CMSS1: variants seen among roughly 807,000 people sequenced by gnomAD.
CMSS1 encodes the protein cms1 ribosomal small subunit homolog, also known as protein CMSS1.
CMSS1 carries 33 observed loss-of-function variants against 43.5 expected under a neutral mutation model. The ratio of observed to expected loss-of-function variants is 0.76; its 90% CI spans 0.57 to 1.01. The LOEUF (loss-of-function observed/expected upper bound fraction) is 1.01. CMSS1 is among the 50% of genes least tolerant of loss of function. The pLI is 0.00. For synonymous variants in CMSS1, 115 were observed against 117.2 expected (o/e 0.98, Z 0.12); for missense variants, 313 against 326.4 (o/e 0.96, Z 0.32).
intron 1 of CMSS1, among the ~76,000 whole-genome samples, chr3:100,145,492 C>T (rs903168225): frequency 2.0e-4 from 31 of 151,718 alleles, no homozygotes; most frequent in Middle Eastern, 3.4e-3. Context: ...TCCAGAGAAA[C>T]AGAACCAACA....
chr3:100,077,562 G>C (rs1440508258), intron 1 of CMSS1, among the ~76,000 whole-genome samples: 2 of 152,176 alleles, frequency 1.3e-5, no homozygotes, highest in Non-Finnish European at 2.9e-5. Context: ...GGAATTGCAA[G>C]ATAGCCTTCA....
chr3:99,834,396 G>T (rs1217529926), intron 1 of CMSS1, among the ~76,000 whole-genome samples: 1 of 152,124 alleles, frequency 6.6e-6, no homozygotes, highest in Non-Finnish European at 1.5e-5. Flanking sequence ...ATGGTTTGTG[G>T]TTGTACCTAG....
chr3:100,033,716 A>T (rs182599390), intron 1 of CMSS1, among the ~76,000 whole-genome samples: 140 of 151,658 alleles, frequency 9.2e-4, no homozygotes, highest in African/African-American at 2.6e-3. Flanking sequence ...AATTGATTTT[A>T]AAAAAAAACC....
intron 1 of CMSS1, among the ~76,000 whole-genome samples, chr3:100,050,881 G>A (rs576279865): frequency 9.3e-4 from 142 of 152,248 alleles, no homozygotes; most frequent in African/African-American, 3.2e-3. Context: ...ATAACTCTGT[G>A]AGACACATTC....
At chr3:100,010,721 TCTC>T (rs35557084) in intron 1 of CMSS1, among the ~76,000 whole-genome samples, 23,696 of 150,202 alleles carry the variant, frequency 0.16, 2,236 homozygotes, top group South Asian at 0.21. Context: ...TTCAAGCAGT[TCTC>T]CTGCCTCAGC....
intron 1 of CMSS1, among the ~76,000 whole-genome samples, chr3:100,096,544 G>A (rs530426078): frequency 6.6e-6 from 1 of 152,242 alleles, no homozygotes; most frequent in East Asian, 1.9e-4. Context: ...TGACTTATTT[G>A]TAGGATGTAG....
At chr3:99,902,754 A>G (rs767173042) in intron 1 of CMSS1, among the ~76,000 whole-genome samples, 7 of 152,186 alleles carry the variant, frequency 4.6e-5, no homozygotes, top group Non-Finnish European at 1.0e-4. Context: ...GCTTTCTACT[A>G]TTCTAGTTGC....
chr3:99,962,444 G>T (rs1708521280), intron 1 of CMSS1, among the ~76,000 whole-genome samples: 1 of 152,150 alleles, frequency 6.6e-6, no homozygotes, highest in Non-Finnish European at 1.5e-5. Context: ...ATTATCTTTT[G>T]TTGTTAGAGA....
At chr3:100,120,650 A>T (rs1318496732) in intron 1 of CMSS1, among the ~76,000 whole-genome samples, 1 of 151,708 alleles carries the variant, frequency 6.6e-6, no homozygotes, top group African/African-American at 2.4e-5. Context: ...TCAGGAACTC[A>T]TAGTCTAATA....
chr3:99,977,697 T>C (rs80132212), intron 1 of CMSS1, among the ~76,000 whole-genome samples: 1 of 152,188 alleles, frequency 6.6e-6, no homozygotes, highest in African/African-American at 2.4e-5. Context: ...TTCTAAATTT[T>C]ATCAGAAAAA....
chr3:100,064,332 A>T (rs1436620145), intron 1 of CMSS1, among the ~76,000 whole-genome samples: 1 of 151,616 alleles, frequency 6.6e-6, no homozygotes, highest in Non-Finnish European at 1.5e-5. Context: ...TAAAGGACCA[A>T]TTTGCCACCA....
chr3:99,827,694 T>C (rs905557741), intron 1 of CMSS1, among the ~76,000 whole-genome samples: 1 of 151,966 alleles, frequency 6.6e-6, no homozygotes, highest in African/African-American at 2.4e-5. Flanking sequence ...AACCTCCGCC[T>C]CCCAGGTTCA....
At chr3:99,850,130 C>T in intron 1 of CMSS1, 3 of 1,612,040 alleles carry the variant, frequency 1.9e-6, no homozygotes, top group Non-Finnish European at 2.5e-6. Context: ...TGTAATTTAT[C>T]TTCAGTTTTC....
In CMSS1 at chr3:100,180,932, G is replaced by C. The variant is rs1342949748; in HGVS notation, c.*2544G>C. The C allele has an allele frequency of 6.6e-6, 1 of 152,268 alleles. No individual in the cohort carries two copies. Among genetic ancestry groups the C allele is most frequent in the African/African-American group, 2.4e-5 (1 of 41,458 alleles). 9.4% of individuals were successfully genotyped at this position (152,268 alleles called of 1,614,324 possible). Reference sequence around the variant, plus strand: ...TTCCAGTTCCACAGACTGTACAGGAGGATGGCTGGGGAGGCCTCAGGAAAT... The same window carrying C: ...TTCCAGTTCCACAGACTGTACAGGACGATGGCTGGGGAGGCCTCAGGAAAT... On this transcript the variant is annotated 3_prime_UTR_variant, in exon 10 of 10. Transcript: ENST00000421999.
intron 1 of CMSS1, among the ~76,000 whole-genome samples, chr3:100,014,775 C>T (rs961571405): frequency 4.0e-4 from 57 of 142,238 alleles, no homozygotes; most frequent in Non-Finnish European, 7.9e-4. Context: ...AATGTTTTCT[C>T]TCATTCCATA....
At chr3:99,947,518 A>G (rs1708047431) in intron 1 of CMSS1, among the ~76,000 whole-genome samples, 1 of 152,284 alleles carries the variant, frequency 6.6e-6, no homozygotes, top group Admixed American at 6.5e-5. Flanking sequence ...ACCCAGAGCT[A>G]AAAAGGAACC....
chr3:99,852,704 A>G (rs987477606), intron 1 of CMSS1, among the ~76,000 whole-genome samples: 2 of 152,124 alleles, frequency 1.3e-5, no homozygotes, highest in Non-Finnish European at 2.9e-5. Context: ...TCGGCCTCCC[A>G]AAGTGCTGAG....
intron 1 of CMSS1, among the ~76,000 whole-genome samples, chr3:99,942,551 G>A (rs1707880976): frequency 6.6e-6 from 1 of 152,206 alleles, no homozygotes; most frequent in Admixed American, 6.5e-5. Flanking sequence ...TGGTTTCCTT[G>A]CCAGTCGCCG....
chr3:99,877,962 C>G (rs188900522), intron 1 of CMSS1, among the ~76,000 whole-genome samples: 49 of 152,310 alleles, frequency 3.2e-4, no homozygotes, highest in African/African-American at 1.2e-3. Flanking sequence ...TCTCACATAT[C>G]CATACTCAAG....
Sources: gnomAD v4.1 joint callset for allele counts (sites outside exome capture counted in the v4.1 genomes callset) on GRCh38, gnomAD v4.1.1 for gene constraint, MANE v1.5 for transcripts, NCBI Gene and HGNC (gene_info 2026-07-23, HGNC 2026-07-21) for gene names.